Variants in SDCCAG8 observed in about 807,000 individuals in gnomAD.
SDCCAG8 encodes SHH signaling and ciliogenesis regulator SDCCAG8.
Under a neutral mutation model 101.8 loss-of-function variants are expected in SDCCAG8, and 74 were observed. That is an observed-to-expected ratio of 0.73 (90% confidence interval 0.60 to 0.88). The LOEUF is 0.88. Among genes scored for constraint, SDCCAG8 ranks in the 40% least tolerant of loss-of-function variants. The pLI is 0.00. For missense variants in SDCCAG8, 787 were observed against 822.6 expected, an observed-to-expected ratio of 0.96 and a Z score of 0.53; for synonymous variants, 281 against 292.9, an observed-to-expected ratio of 0.96 and a Z score of 0.41.
intron 1 of SDCCAG8, among the ~76,000 whole-genome samples, chr1:243,264,404 C>A (rs533649787): frequency 6.6e-6 from 1 of 152,056 alleles, no homozygotes; most frequent in South Asian, 2.1e-4. Flanking sequence ...CACCTGAGGT[C>A]GAGGGTTTGA....
At chr1:243,385,870 G>A (rs1194017596) in intron 13 of SDCCAG8, among the ~76,000 whole-genome samples, 2 of 152,172 alleles carry the variant, frequency 1.3e-5, no homozygotes, top group Non-Finnish European at 2.9e-5. Flanking sequence ...TCGGGAGGCC[G>A]AGGCTCAAGA....
chr1:243,418,013 C>A lies in SDCCAG8; in HGVS notation c.1790C>A (p.Thr597Lys), dbSNP rs372641187. 1.6e-5 allele frequency: 25 copies of A among 1,612,738 alleles called. No homozygotes were observed. The South Asian group carries it at 2.2e-4, about 14-fold the overall frequency. Reference sequence around the variant, plus strand: ...CTGACCTCCCAGAATACATTTTTGACAAAGTTAAAGGAAGAATGCTGTACA... The same window carrying A: ...CTGACCTCCCAGAATACATTTTTGAAAAAGTTAAAGGAAGAATGCTGTACA... ...LLLTSQNTFLTKLKEECCTLA... is the reference protein window; with the variant it reads ...LLLTSQNTFLKKLKEECCTLA... The change falls in exon 15 of 18, where the codon ACA (threonine) becomes AAA (lysine). Residue 597 changes from threonine to lysine, a missense_variant. Thr to Lys is a moderately conservative substitution (Grantham distance 78, BLOSUM62 -1). Coordinates refer to ENST00000366541, the MANE Select transcript of SDCCAG8 (RefSeq NM_006642.5).
chr1:243,491,744 C>T (rs1326216056), intron 17 of SDCCAG8, among the ~76,000 whole-genome samples: 3 of 152,150 alleles, frequency 2.0e-5, no homozygotes, highest in African/African-American at 7.2e-5. Context: ...TGCGGTGCCG[C>T]CTGAGGGCTC....
intron 17 of SDCCAG8, among the ~76,000 whole-genome samples, chr1:243,489,970 G>T (rs1665988241): frequency 6.6e-6 from 1 of 152,218 alleles, no homozygotes; most frequent in African/African-American, 2.4e-5. Flanking sequence ...CAAGCAGTTT[G>T]TTAGGATAAT....
chr1:243,264,535 AC>A (rs1199760857), intron 1 of SDCCAG8, among the ~76,000 whole-genome samples: 1 of 152,008 alleles, frequency 6.6e-6, no homozygotes, highest in Non-Finnish European at 1.5e-5. Flanking sequence ...AATTGCTTGA[AC>A]CTGGGAGGCG....
At chr1:243,448,091 G>T (rs1374931502) in intron 16 of SDCCAG8, among the ~76,000 whole-genome samples, 2 of 152,172 alleles carry the variant, frequency 1.3e-5, no homozygotes, top group East Asian at 3.9e-4. Flanking sequence ...TGGGAGAGCT[G>T]CTCATGGCTG....
At chr1:243,462,058 T>C (rs1415834747) in intron 16 of SDCCAG8, among the ~76,000 whole-genome samples, 1 of 152,204 alleles carries the variant, frequency 6.6e-6, no homozygotes. Context: ...GGTTCTTTAC[T>C]CTAAGATTTC....
intron 8 of SDCCAG8, 136 bp downstream of exon 8, chr1:243,308,313 G>A: frequency 9.6e-7 from 1 of 1,044,906 alleles, no homozygotes. Flanking sequence ...GATTTTAAAA[G>A]GTTCCTTCAT....
intron 12 of SDCCAG8, among the ~76,000 whole-genome samples, chr1:243,376,776 A>G (rs962939377): frequency 5.3e-5 from 8 of 152,016 alleles, no homozygotes; most frequent in African/African-American, 1.9e-4. Context: ...TTATCTTTTC[A>G]TGGTCTCCCT....
At chr1:243,271,812 G>A (rs911084857) in intron 3 of SDCCAG8, among the ~76,000 whole-genome samples, 3 of 152,026 alleles carry the variant, frequency 2.0e-5, no homozygotes, top group African/African-American at 4.8e-5. Flanking sequence ...CCAAAGCACC[G>A]GGATTATAGG....
intron 8 of SDCCAG8, among the ~76,000 whole-genome samples, chr1:243,311,577 A>C (rs1465001507): frequency 6.6e-6 from 1 of 152,142 alleles, no homozygotes; most frequent in Non-Finnish European, 1.5e-5. Flanking sequence ...AGCATATTAA[A>C]AGTTGCAAAT....
At chr1:243,468,939 T>C (rs1660689632) in intron 16 of SDCCAG8, among the ~76,000 whole-genome samples, 1 of 152,230 alleles carries the variant, frequency 6.6e-6, no homozygotes, top group Admixed American at 6.5e-5. Flanking sequence ...AATGATTGTA[T>C]GTTTATTTAC....
chr1:243,282,045 T>G (rs4658553), intron 4 of SDCCAG8, among the ~76,000 whole-genome samples: 145,397 of 152,176 alleles, frequency 0.96, 69,809 homozygotes, highest in East Asian at 1. Context: ...GTGCAGTGAC[T>G]CCATCTTGGC....
intron 3 of SDCCAG8, among the ~76,000 whole-genome samples, chr1:243,272,464 A>G (rs2068172494): frequency 6.6e-6 from 1 of 152,240 alleles, no homozygotes; most frequent in Non-Finnish European, 1.5e-5. Flanking sequence ...TCATCATTTA[A>G]TGAATTTATT....
intron 12 of SDCCAG8, among the ~76,000 whole-genome samples, chr1:243,359,228 A>G (rs534004158): frequency 6.6e-6 from 1 of 150,992 alleles, no homozygotes; most frequent in East Asian, 1.9e-4. Flanking sequence ...TTTGAGCCAC[A>G]TTCTCTAAAA....
At chr1:243,451,543 G>A (rs2083356135) in intron 16 of SDCCAG8, among the ~76,000 whole-genome samples, 1 of 152,022 alleles carries the variant, frequency 6.6e-6, no homozygotes, top group Admixed American at 6.5e-5. Context: ...CACAACTCTT[G>A]TCTTAAATGG....
chr1:243,374,387 T>C (rs1242702392), intron 12 of SDCCAG8, among the ~76,000 whole-genome samples: 1 of 152,020 alleles, frequency 6.6e-6, no homozygotes, highest in East Asian at 1.9e-4. Flanking sequence ...CATTCCAAGA[T>C]TCAGCATTGC....
intron 4 of SDCCAG8, among the ~76,000 whole-genome samples, chr1:243,279,326 G>A (rs142332078): frequency 1.1e-3 from 160 of 152,234 alleles, no homozygotes; most frequent in African/African-American, 2.7e-3. Flanking sequence ...ATGGGATTGC[G>A]TCCTGATAAA....
intron 17 of SDCCAG8, among the ~76,000 whole-genome samples, chr1:243,496,871 TTAGCAGCTGTGTG>T (rs1046780266): frequency 2.0e-5 from 3 of 152,188 alleles, no homozygotes; most frequent in African/African-American, 7.2e-5. Context: ...AGAAAATGGG[TTAGCAGCTGTGTG>T]CCTGCAGATG....
Sources: allele counts gnomAD v4.1 joint callset (sites outside exome capture counted in the v4.1 genomes callset), GRCh38; gene constraint gnomAD v4.1.1; transcripts MANE v1.5; gene names NCBI Gene and HGNC (gene_info 2026-07-23, HGNC 2026-07-21).